ADIPOR2: variants seen among roughly 807,000 people sequenced by gnomAD.
ADIPOR2 encodes the protein adiponectin receptor protein 2.
In ADIPOR2, 18 loss-of-function variants were observed where a neutral mutation model predicts 40.9. The observed-to-expected ratio is 0.44, with a 90% confidence interval of 0.30 to 0.65. The LOEUF (loss-of-function observed/expected upper bound fraction) is 0.65. Among genes scored for constraint, ADIPOR2 ranks in the 30% least tolerant of loss-of-function variants. The pLI is 0.09. For missense variants in ADIPOR2, 283 were observed against 479.2 expected, an observed-to-expected ratio of 0.59 and a Z score of 3.82; for synonymous variants, 165 against 166.4, an observed-to-expected ratio of 0.99 and a Z score of 0.06.
chr12:1,695,029 TTTTG>T (rs1314194359), intron 1 of ADIPOR2, among the ~76,000 whole-genome samples: 14 of 119,736 alleles, frequency 1.2e-4, no homozygotes, highest in Non-Finnish European at 2.2e-4. Flanking sequence ...TTTTTTTTTG[TTTTG>T]TTTTTTTAAG....
intron 1 of ADIPOR2, among the ~76,000 whole-genome samples, chr12:1,703,726 T>C (rs1237566336): frequency 6.6e-6 from 1 of 151,812 alleles, no homozygotes; most frequent in Non-Finnish European, 1.5e-5. Context: ...CACGAATAAA[T>C]AAATAAATAA....
chr12:1,776,165 C>G (rs1565657564), intron 3 of ADIPOR2, among the ~76,000 whole-genome samples: 1 of 152,124 alleles, frequency 6.6e-6, no homozygotes, highest in Non-Finnish European at 1.5e-5. Context: ...ATTGTTAGTC[C>G]TCACTTCCTT....
At chr12:1,719,294 C>T (rs1050953097) in intron 1 of ADIPOR2, among the ~76,000 whole-genome samples, 1 of 152,058 alleles carries the variant, frequency 6.6e-6, no homozygotes, top group Non-Finnish European at 1.5e-5. Context: ...TTCTTAATAT[C>T]TTGGAACATT....
intron 1 of ADIPOR2, among the ~76,000 whole-genome samples, chr12:1,700,375 G>A (rs2094647818): frequency 6.6e-6 from 1 of 152,172 alleles, no homozygotes; most frequent in Non-Finnish European, 1.5e-5. Context: ...TGGTTAAGGA[G>A]GATGTCTTTG....
intron 2 of ADIPOR2, among the ~76,000 whole-genome samples, chr12:1,768,334 A>G (rs1862427452): frequency 6.6e-6 from 1 of 152,056 alleles, no homozygotes. Flanking sequence ...TCAACATGGC[A>G]CTTTTGCTTT....
intron 1 of ADIPOR2, among the ~76,000 whole-genome samples, chr12:1,698,238 G>A (rs966204538): frequency 5.5e-4 from 71 of 129,108 alleles, no homozygotes; most frequent in African/African-American, 2.1e-3. Flanking sequence ...GTGTGTGTGT[G>A]TATTTTATTT....
At chr12:1,700,323 A>G (rs1198175978) in intron 1 of ADIPOR2, among the ~76,000 whole-genome samples, 1 of 152,216 alleles carries the variant, frequency 6.6e-6, no homozygotes, top group Non-Finnish European at 1.5e-5. Flanking sequence ...AATTAAGTTT[A>G]GTGAACATGT....
At position 1,754,380 on chromosome 12, in the gene ADIPOR2, A is replaced by G. The variant is rs1257522561; in HGVS notation, c.37A>G (p.Arg13Gly). ...EPTENRLGCS[R>G]TPEPDIRLRK... ...AACAGAAAACCGATTGGGGTGCAGC[A>G]GGACTCCAGAGCCAGATATAAGGCT... Residue 13 changes from arginine (R) to glycine (G), a missense_variant, in exon 2 of 8, where the codon AGG becomes GGG. Physicochemically the swap from Arg to Gly is moderately radical, Grantham distance 125 (BLOSUM62 -2). Coordinates refer to ENST00000357103, the MANE Select transcript of ADIPOR2 (RefSeq NM_024551.3). 6.2e-7 allele frequency: 1 copy of G among 1,612,118 alleles called. No individual in the cohort carries two copies. Among genetic ancestry groups the G allele is most frequent in the Non-Finnish European group, 8.5e-7 (1 of 1,179,138 alleles).
At chr12:1,757,345 C>T (rs1225239654) in intron 2 of ADIPOR2, 1 of 696,762 alleles carries the variant, frequency 1.4e-6, no homozygotes. Context: ...TTGCCAATAA[C>T]AAAAATGTTG....
At chr12:1,710,381 G>A (rs57216374) in intron 1 of ADIPOR2, among the ~76,000 whole-genome samples, 22,993 of 152,028 alleles carry the variant, frequency 0.15, 1,917 homozygotes, top group African/African-American at 0.21. Flanking sequence ...CTTCATTCTT[G>A]AAGTTAGCGA....
At chr12:1,744,906 A>G (rs2094751626) in intron 1 of ADIPOR2, among the ~76,000 whole-genome samples, 2 of 152,238 alleles carry the variant, frequency 1.3e-5, no homozygotes, top group Non-Finnish European at 2.9e-5. Flanking sequence ...GTCCACTCCT[A>G]AAGAAGTCCT....
chr12:1,699,943 A>G (rs897881928), intron 1 of ADIPOR2, among the ~76,000 whole-genome samples: 1 of 152,220 alleles, frequency 6.6e-6, no homozygotes, highest in Non-Finnish European at 1.5e-5. Flanking sequence ...GCTTAATTAG[A>G]CAAGTGTCCA....
chr12:1,748,022 C>G (rs1183867413), intron 1 of ADIPOR2, among the ~76,000 whole-genome samples: 5 of 152,100 alleles, frequency 3.3e-5, no homozygotes, highest in African/African-American at 1.2e-4. Flanking sequence ...CCCTCTACCA[C>G]TTTTTCTCCT....
intron 1 of ADIPOR2, among the ~76,000 whole-genome samples, chr12:1,752,182 G>A (rs2154443408): frequency 1.4e-5 from 2 of 145,472 alleles, no homozygotes; most frequent in South Asian, 4.4e-4. Flanking sequence ...GCCCGTCTCG[G>A]CCCCCCAAAG....
intron 7 of ADIPOR2, among the ~76,000 whole-genome samples, chr12:1,785,464 C>G (rs1450236358): frequency 6.6e-6 from 1 of 152,216 alleles, no homozygotes; most frequent in Non-Finnish European, 1.5e-5. Flanking sequence ...TTTAGTTTTT[C>G]TAACAGAGAG....
At chr12:1,774,498 G>A (rs539815162) in intron 3 of ADIPOR2, among the ~76,000 whole-genome samples, 9 of 152,184 alleles carry the variant, frequency 5.9e-5, no homozygotes, top group Middle Eastern at 3.2e-3. Context: ...AAAACCAGCC[G>A]TGTCTAGTGG....
At chr12:1,740,496 C>T in intron 1 of ADIPOR2, among the ~76,000 whole-genome samples, 1 of 109,740 alleles carries the variant, frequency 9.1e-6, no homozygotes, top group East Asian at 2.4e-4. Flanking sequence ...GTGGATTAGG[C>T]CCCCCCACCT....
At chr12:1,773,423 T>C (rs11061979) in intron 3 of ADIPOR2, among the ~76,000 whole-genome samples, 3 of 152,086 alleles carry the variant, frequency 2.0e-5, no homozygotes, top group Non-Finnish European at 4.4e-5. Context: ...TCCATGTACA[T>C]CTGGTATTTT....
chr12:1,706,751 A>G (rs560400681), intron 1 of ADIPOR2, among the ~76,000 whole-genome samples: 2 of 152,210 alleles, frequency 1.3e-5, no homozygotes, highest in African/African-American at 2.4e-5. Context: ...CGTGTCCCTC[A>G]CAGTCAGTGC....
Sources: gnomAD v4.1 joint callset for allele counts (sites outside exome capture counted in the v4.1 genomes callset) on GRCh38, gnomAD v4.1.1 for gene constraint, MANE v1.5 for transcripts, NCBI Gene and HGNC (gene_info 2026-07-23, HGNC 2026-07-21) for gene names.